Variants in FCSK observed in about 807,000 individuals in gnomAD.
FCSK encodes L-fucose kinase.
FCSK carries 123 observed loss-of-function variants against 122.5 expected under a neutral mutation model. That is an observed-to-expected ratio of 1.00 (90% CI 0.87 to 1.17). FCSK has a LOEUF of 1.17. FCSK is among the 50% of genes most tolerant of loss of function. The pLI, the probability that FCSK is intolerant of heterozygous loss-of-function variation, is 0.00. For synonymous variants in FCSK, 620 were observed against 625.5 expected, an observed-to-expected ratio of 0.99 and a Z score of 0.13; for missense variants, 1,366 against 1,450.4, an observed-to-expected ratio of 0.94 and a Z score of 0.95.
Position 70,471,030 on chromosome 16 carries a change from C to T in FCSK, c.1128C>T (p.Val376=), listed in dbSNP as rs1021817146. ...TCAGCTGCCTGCTGGAGGGCCCTGT[C>T]CAGCTGGGTCCTGGGAGCGTCCTGC... ...SVVSCLLEGP[V]QLGPGSVLQH... is the part of the protein sequence containing the mutation. Residue 376 remains valine, a synonymous_variant, in exon 12 of 24, where the codon GTC becomes GTT. Coordinates refer to ENST00000288078, the MANE Select transcript of FCSK (RefSeq NM_145059.3). 6.2e-7 allele frequency: 1 copy of T among 1,603,016 alleles called. No homozygotes were observed. Among genetic ancestry groups the T allele is most frequent in the Admixed American group, 1.7e-5 (1 of 58,890 alleles).
intron 1 of FCSK, among the ~76,000 whole-genome samples, chr16:70,462,962 T>C (rs1204697215): frequency 1.3e-5 from 2 of 152,056 alleles, no homozygotes; most frequent in Non-Finnish European, 2.9e-5. Flanking sequence ...TCTAAGTTGA[T>C]GAAACTATAG....
At chr16:70,472,415 A>G (rs1022167505) in intron 13 of FCSK, 126 bp from the exon 14 acceptor site, 11 of 692,394 alleles carry the variant, frequency 1.6e-5, no homozygotes, top group Middle Eastern at 2.5e-4. Context: ...GGGTGGGTCA[A>G]GTATGTTCTT....
At chr16:70,455,562 C>T (rs1567688701) in intron 1 of FCSK, among the ~76,000 whole-genome samples, 1 of 150,524 alleles carries the variant, frequency 6.6e-6, no homozygotes, top group Admixed American at 6.6e-5. Flanking sequence ...CTCAGGACCT[C>T]TTGAGATTGT....
Position 70,466,112 on chromosome 16 carries a change from A to C in FCSK, c.286-20A>C. The stretch of plus-strand genomic sequence containing the variant: ...GGGCTCTGTGCACTGAGGCTTCCTC[A>C]CCAGTCCCCCGACTTCCAGGGTCGA... On this transcript the variant is annotated intron_variant, in intron 4 of 23. Coordinates refer to ENST00000288078, the MANE Select transcript of FCSK (RefSeq NM_145059.3). The C allele has an allele frequency of 6.2e-7, 1 of 1,612,276 alleles. No homozygotes were observed. Among genetic ancestry groups the C allele is most frequent in the African/African-American group, 1.3e-5 (1 of 75,020 alleles).
At position 70,468,732 on chromosome 16, in the gene FCSK, C is replaced by T. The variant is rs147821695; in HGVS notation, c.664-117C>T. ...CTGCTGGAGTGGTCAGAAGGTGACA[C>T]TCCCTGCCTGGTATGGCACTCAGCT... On this transcript the variant is annotated intron_variant, in intron 8 of 23. Coordinates refer to ENST00000288078, the MANE Select transcript of FCSK (RefSeq NM_145059.3). 3,579 of 1,336,392 alleles carry T rather than the reference C, an allele frequency of 2.7e-3. 13 individuals are homozygous for T. Among genetic ancestry groups the T allele is most frequent in the Middle Eastern group, 0.011 (57 of 5,192 alleles). The allele number at this position is 1,336,392 out of a possible 1,614,324, so 82.8% of individuals were successfully genotyped here. A position where few individuals can be genotyped will look rare whatever the true frequency, so the allele number is the denominator to read the frequency against.
Position 70,474,536 on chromosome 16 carries a change from T to G in FCSK, c.1997T>G (p.Leu666Trp), listed in dbSNP as rs759111569. 1 of 1,547,902 alleles carries G rather than the reference T, an allele frequency of 6.5e-7. No individual in the cohort carries two copies. The highest frequency in any genetic ancestry group is 1.4e-5 in the African/African-American group (1 of 73,106). ...CCCCCTTCTCTTGGCAGGCCAGCCT[T>G]GCTGGTGCGAGCGGCCCGCCACTAT... ...ERDKWLSRPA[L>W]LVRAARHYEG... Residue 666 changes from leucine to tryptophan, a missense_variant, in exon 17 of 24, where the codon TTG (leucine) becomes TGG (tryptophan). Physicochemically the swap from Leu to Trp is moderately conservative, Grantham distance 61 (BLOSUM62 -2). Coordinates refer to ENST00000288078, the MANE Select transcript of FCSK (RefSeq NM_145059.3).
Position 70,467,443 on chromosome 16 carries a change from A to C in FCSK, c.554A>C (p.Asn185Thr), listed in dbSNP as rs952069585. The C allele has an allele frequency of 4.4e-6, 7 of 1,608,558 alleles. No homozygotes were observed. The highest frequency in any genetic ancestry group is 5.1e-6 in the Non-Finnish European group (6 of 1,177,910). The change falls in exon 7 of 24, where the codon AAT becomes ACT. Residue 185 changes from asparagine (N) to threonine (T), a missense_variant. Physicochemically the swap from Asn to Thr is moderately conservative, Grantham distance 65 (BLOSUM62 0). Coordinates refer to ENST00000288078, the MANE Select transcript of FCSK (RefSeq NM_145059.3). ...ALPGSPAYAQ[N>T]HGVYLTDPQG... ...CCAGGGAGCCCGGCCTACGCTCAGA[A>C]TCATGGCGTCTACCTAACTGACCCC...
At chr16:70,468,119 T>C (rs1238000713) in intron 8 of FCSK, among the ~76,000 whole-genome samples, 153 bp downstream of exon 8, 2 of 152,200 alleles carry the variant, frequency 1.3e-5, no homozygotes, top group East Asian at 3.8e-4. Context: ...GGTCTTGTCC[T>C]GAGCCAGAAA....
intron 1 of FCSK, among the ~76,000 whole-genome samples, chr16:70,461,362 T>G (rs549727160): frequency 6.8e-6 from 1 of 147,820 alleles, no homozygotes; most frequent in African/African-American, 2.5e-5. Flanking sequence ...CTGCCAGAGG[T>G]GAATGTGTGG....
intron 3 of FCSK, 98 bp from the exon 4 acceptor site, chr16:70,465,028 A>C: frequency 5.1e-6 from 8 of 1,569,138 alleles, no homozygotes; most frequent in Non-Finnish European, 6.9e-6. Context: ...TGGGTACCTG[A>C]GTGGATTTGT....
chr16:70,466,770 C>G (rs1020437870), intron 5 of FCSK, 112 bp from the exon 6 acceptor site: 5 of 879,290 alleles, frequency 5.7e-6, no homozygotes, highest in Non-Finnish European at 8.9e-6. Flanking sequence ...TGGGGGCAGA[C>G]CAGGTCTTGG....
At chr16:70,466,624 G>T (rs1170475746) in intron 5 of FCSK, 1 of 536,042 alleles carries the variant, frequency 1.9e-6, no homozygotes, top group Non-Finnish European at 3.3e-6. Context: ...TTGAGCCCAG[G>T]AGTTTGAGGC....
At chr16:70,468,117 C>T (rs2048483418) in intron 8 of FCSK, 151 bp downstream of exon 8, 5 of 676,810 alleles carry the variant, frequency 7.4e-6, no homozygotes, top group Admixed American at 2.5e-5. Context: ...AGGGTCTTGT[C>T]CTGAGCCAGA....
At chr16:70,469,436 G>C (rs538578707) in intron 10 of FCSK, 113 bp downstream of exon 10, 5 of 1,007,418 alleles carry the variant, frequency 5.0e-6, no homozygotes, top group Non-Finnish European at 7.1e-6. Flanking sequence ...GGACTGGGCA[G>C]TTCTCCTGTC....
In FCSK at chr16:70,474,850, C is replaced by T. The variant is rs773216109; in HGVS notation, c.2216C>T (p.Ala739Val). 4.4e-6 allele frequency: 7 copies of T among 1,596,746 alleles called. No individual in the cohort carries two copies. Among genetic ancestry groups the T allele is most frequent in the Non-Finnish European group, 6.0e-6 (7 of 1,173,056 alleles). The change falls in exon 18 of 24, where the codon GCT becomes GTT. Residue 739 changes from alanine (A) to valine (V), a missense_variant. Coordinates refer to ENST00000288078, the MANE Select transcript of FCSK (RefSeq NM_145059.3). The part of the protein sequence containing the change: ...YELGGAVLGL[A>V]VRVDGRRPIG... ...CTTGGCGGGGCTGTGCTGGGCCTGGCTGTGCGAGTGGACGGCCGCCGGCCC... is the reference window on the plus strand; with the variant it reads ...CTTGGCGGGGCTGTGCTGGGCCTGGTTGTGCGAGTGGACGGCCGCCGGCCC...
intron 11 of FCSK, 83 bp downstream of exon 11, chr16:70,470,509 A>T (rs2048579231): frequency 1.2e-6 from 1 of 848,002 alleles, no homozygotes; most frequent in Admixed American, 2.0e-5. Context: ...AATAGCCGGC[A>T]CTTGGAACAG....
intron 1 of FCSK, among the ~76,000 whole-genome samples, chr16:70,456,558 T>G (rs1053488142): frequency 1.3e-5 from 2 of 152,344 alleles, no homozygotes; most frequent in Non-Finnish European, 2.9e-5. Flanking sequence ...TCCTTCCTCC[T>G]TCAGGGACAG....
chr16:70,474,450 C>T, intron 16 of FCSK, 78 bp from the exon 17 acceptor site: 1 of 1,545,446 alleles, frequency 6.5e-7, no homozygotes. Flanking sequence ...TACCCCGGGA[C>T]AGTCAGGTCC....
Position 70,468,850 on chromosome 16 carries a change from T to A in FCSK, c.665T>A (p.Val222Asp). ...TGATCCTTTTGGGGTCCCTTCCAGG[T>A]CTCTGGGGTTGTCTTCTTCTCTGTG... ...CVRPDGRVPL[V>D]SGVVFFSVET... is the part of the protein sequence containing the mutation. Residue 222 changes from valine (V) to aspartate (D), a missense_variant and splice_region_variant, in exon 9 of 24, where the codon GTC (valine) becomes GAC (aspartate). By Grantham distance (152) the Val-to-Asp change is radical (BLOSUM62 -3). Coordinates refer to ENST00000288078, the MANE Select transcript of FCSK (RefSeq NM_145059.3). 6.2e-7 allele frequency: 1 copy of A among 1,613,904 alleles called. No individual in the cohort carries two copies. The highest frequency in any genetic ancestry group is 2.2e-5 in the East Asian group (1 of 44,856).
Sources: allele counts gnomAD v4.1 joint callset (sites outside exome capture counted in the v4.1 genomes callset), GRCh38; gene constraint gnomAD v4.1.1; transcripts MANE v1.5; gene names NCBI Gene and HGNC (gene_info 2026-07-23, HGNC 2026-07-21).